The following CEP128 variants were observed in gnomAD, a reference collection of about 807,000 sequenced individuals.
CEP128 encodes centrosomal protein 128, also known as centrosomal protein 128kDa.
In CEP128, 132 loss-of-function variants were observed where a neutral mutation model predicts 156.7. The ratio of observed to expected loss-of-function variants is 0.84; its 90% CI spans 0.73 to 0.97. The LOEUF (loss-of-function observed/expected upper bound fraction) is 0.97, where lower values mean the gene tolerates loss of function less well. Among genes scored for constraint, CEP128 ranks in the 50% least tolerant of loss-of-function variants. CEP128 has a pLI of 0.00. For missense variants in CEP128, 1,252 were observed against 1,281.9 expected (o/e 0.98, Z 0.36); for synonymous variants, 469 against 448.9 (o/e 1.04, Z -0.57).
intron 8 of CEP128, among the ~76,000 whole-genome samples, chr14:80,865,206 T>C (rs1304793116): frequency 1.3e-5 from 2 of 152,220 alleles, no homozygotes; most frequent in African/African-American, 2.4e-5. Flanking sequence ...CCTTACTTCA[T>C]TTAGCATAAT....
intron 24 of CEP128, 29 bp from the exon 25 acceptor site, chr14:80,497,611 A>G: frequency 6.8e-7 from 1 of 1,469,556 alleles, no homozygotes; most frequent in East Asian, 2.3e-5. Context: ...AAAGAAAAAT[A>G]AACCTAGGTG....
intron 19 of CEP128, among the ~76,000 whole-genome samples, chr14:80,592,469 T>G (rs1251176620): frequency 6.6e-6 from 1 of 152,216 alleles, no homozygotes; most frequent in African/African-American, 2.4e-5. Flanking sequence ...GCTGAATCCC[T>G]GAATAGGCCA....
rs563027117 is a variant in CEP128 at position 80,696,503 on chromosome 14, C to A, written c.2806+46572G>T. Among the ~76,000 whole-genome samples, 9 of 152,052 alleles carry A rather than the reference C, an allele frequency of 5.9e-5. No homozygotes were observed. In the South Asian group the frequency reaches 1.9e-3, roughly 32 times the overall value. On this transcript the variant is annotated intron_variant, in intron 19 of 24. Transcript: ENST00000555265. ...GGAAACAACAAAATTTAAGGAATAG[C>A]GTAAAAAGAGCTGATAAAGGAGGTT...
intron 12 of CEP128, among the ~76,000 whole-genome samples, chr14:80,834,035 C>A (rs1213846511): frequency 6.6e-6 from 1 of 152,016 alleles, no homozygotes; most frequent in Non-Finnish European, 1.5e-5. Context: ...ATGGAGATAT[C>A]CAATGAGCAA....
intron 19 of CEP128, among the ~76,000 whole-genome samples, chr14:80,596,145 T>C (rs1892308392): frequency 1.3e-5 from 2 of 150,936 alleles, no homozygotes; most frequent in African/African-American, 2.4e-5. Context: ...TCAGTAATTA[T>C]ATTACATAAA....
intron 19 of CEP128, among the ~76,000 whole-genome samples, chr14:80,655,284 T>G (rs1895081716): frequency 6.6e-6 from 1 of 152,190 alleles, no homozygotes; most frequent in Non-Finnish European, 1.5e-5. Flanking sequence ...ATCCAATCTC[T>G]TCATGTTGCT....
intron 8 of CEP128, among the ~76,000 whole-genome samples, chr14:80,883,891 A>G (rs1293256108): frequency 6.6e-6 from 1 of 152,206 alleles, no homozygotes; most frequent in Non-Finnish European, 1.5e-5. Flanking sequence ...ACATAGACCA[A>G]TGAAACAGAA....
intron 20 of CEP128, among the ~76,000 whole-genome samples, chr14:80,574,927 C>T (rs1282886872): frequency 4.1e-4 from 63 of 151,954 alleles, no homozygotes; most frequent in Admixed American, 4.1e-3. Flanking sequence ...TTTTTCAAAG[C>T]CAACTGATAG....
At chr14:80,626,260 C>T (rs1197125868) in intron 19 of CEP128, among the ~76,000 whole-genome samples, 2 of 150,500 alleles carry the variant, frequency 1.3e-5, no homozygotes, top group African/African-American at 2.4e-5. Context: ...GTCAGGAGAT[C>T]GAGACCATCC....
At chr14:80,637,073 C>A (rs916890060) in intron 19 of CEP128, among the ~76,000 whole-genome samples, 2 of 147,548 alleles carry the variant, frequency 1.4e-5, no homozygotes, top group African/African-American at 2.6e-5. Flanking sequence ...ACATCAAGAG[C>A]GAAACTCCGT....
At chr14:80,703,239 T>C (rs902789467) in intron 19 of CEP128, among the ~76,000 whole-genome samples, 11 of 152,200 alleles carry the variant, frequency 7.2e-5, no homozygotes, top group African/African-American at 2.6e-4. Flanking sequence ...AAATAAGTTA[T>C]AAAAGGACCC....
chr14:80,731,606 T>A (rs1391370089), intron 19 of CEP128, among the ~76,000 whole-genome samples: 1 of 152,080 alleles, frequency 6.6e-6, no homozygotes, highest in Non-Finnish European at 1.5e-5. Context: ...AGGTCAATAG[T>A]CTCAATAGGG....
intron 19 of CEP128, among the ~76,000 whole-genome samples, chr14:80,646,120 T>C (rs1894620944): frequency 6.6e-6 from 1 of 152,134 alleles, no homozygotes; most frequent in Admixed American, 6.6e-5. Flanking sequence ...AATATTACAA[T>C]GGTAAATGCT....
chr14:80,666,663 T>A (rs193049089), intron 19 of CEP128, among the ~76,000 whole-genome samples: 1 of 148,442 alleles, frequency 6.7e-6, no homozygotes, highest in East Asian at 2.0e-4. Flanking sequence ...ATGTTAGGGA[T>A]ATTGCAATGA....
At chr14:80,909,078 A>G (rs1884052741) in intron 4 of CEP128, among the ~76,000 whole-genome samples, 1 of 149,386 alleles carries the variant, frequency 6.7e-6, no homozygotes, top group Non-Finnish European at 1.5e-5. Context: ...GGAATCAGCT[A>G]TCATCTTGAA....
At chr14:80,482,741 T>A (rs1159583477) in intron 14 of CEP128, among the ~76,000 whole-genome samples, 1 of 152,088 alleles carries the variant, frequency 6.6e-6, no homozygotes, top group Non-Finnish European at 1.5e-5. Context: ...ATCACTTTAG[T>A]AGAAAGGGTT....
At chr14:80,819,828 A>G (rs1357334246) in intron 13 of CEP128, among the ~76,000 whole-genome samples, 2 of 152,182 alleles carry the variant, frequency 1.3e-5, no homozygotes, top group Non-Finnish European at 2.9e-5. Context: ...CCTAGAACCT[A>G]GCACCAAACT....
At chr14:80,732,819 G>A (rs908758457) in intron 19 of CEP128, among the ~76,000 whole-genome samples, 1 of 152,210 alleles carries the variant, frequency 6.6e-6, no homozygotes, top group Admixed American at 6.5e-5. Context: ...GTGAGGACAA[G>A]TCCAGCAGAA....
At chr14:80,671,646 A>G (rs1294417475) in intron 19 of CEP128, among the ~76,000 whole-genome samples, 1 of 152,172 alleles carries the variant, frequency 6.6e-6, no homozygotes, top group East Asian at 1.9e-4. Flanking sequence ...ATCTACTAAT[A>G]ACAGACACAA....
Sources: gnomAD v4.1 joint callset for allele counts (sites outside exome capture counted in the v4.1 genomes callset) on GRCh38, gnomAD v4.1.1 for gene constraint, MANE v1.5 for transcripts, NCBI Gene and HGNC (gene_info 2026-07-23, HGNC 2026-07-21) for gene names.